CHST11: variants seen among roughly 807,000 people sequenced by gnomAD.
CHST11 encodes the protein C4S-1.
Under a neutral mutation model 30.4 loss-of-function variants are expected in CHST11, and 9 were observed. The observed-to-expected ratio is 0.30, with a 90% CI of 0.18 to 0.52. The LOEUF (loss-of-function observed/expected upper bound fraction) is 0.52. Ranked by LOEUF, CHST11 falls within the 20% of genes least tolerant of loss-of-function variation. The pLI is 0.97. For missense variants in CHST11, 348 were observed against 460.6 expected (o/e 0.76, Z 2.24); for synonymous variants, 152 against 187.8 (o/e 0.81, Z 1.56).
At chr12:104,651,721 T>TCCC (rs2039491681) in intron 2 of CHST11, among the ~76,000 whole-genome samples, 4 of 152,174 alleles carry the variant, frequency 2.6e-5, no homozygotes, top group Non-Finnish European at 4.4e-5. Context: ...AGCACCCTTT[T>TCCC]TCCTTTTCTT....
At chr12:104,568,929 T>C (rs2038596880) in intron 1 of CHST11, among the ~76,000 whole-genome samples, 1 of 152,232 alleles carries the variant, frequency 6.6e-6, no homozygotes, top group African/African-American at 2.4e-5. Context: ...AGACAGTCTA[T>C]GTATGTAGCG....
At chr12:104,715,297 C>G (rs1374465159) in intron 2 of CHST11, among the ~76,000 whole-genome samples, 1 of 152,090 alleles carries the variant, frequency 6.6e-6, no homozygotes, top group Non-Finnish European at 1.5e-5. Context: ...TCGCTTGAGC[C>G]CAGAAGGTGG....
chr12:104,479,094 T>G (rs544767847), intron 1 of CHST11, among the ~76,000 whole-genome samples: 48 of 152,188 alleles, frequency 3.2e-4, no homozygotes, highest in African/African-American at 1.0e-3. Flanking sequence ...TGAGGGACTC[T>G]TAACGTATTG....
chr12:104,513,835 G>T (rs2037993870), intron 1 of CHST11, among the ~76,000 whole-genome samples: 1 of 152,210 alleles, frequency 6.6e-6, no homozygotes, highest in Non-Finnish European at 1.5e-5. Context: ...TCCCTTAAGT[G>T]CAGGAAGAAT....
rs188631452 is a variant in CHST11 at position 104,486,024 on chromosome 12, G to C, written c.118+28495G>C. Among the ~76,000 whole-genome samples, 4 of 152,086 alleles carry C rather than the reference G, an allele frequency of 2.6e-5. No individual in the cohort carries two copies. In the South Asian group the frequency reaches 6.2e-4, roughly 24 times the overall value. On this transcript the variant is annotated intron_variant, in intron 1 of 2. Transcript: ENST00000303694. ...TGGGCATGTGTGTGCATGTGTGCAC[G>C]TGTGTGCCTGTGTGTGCCTGTGTGT...
chr12:104,579,930 G>A (rs2665742), intron 1 of CHST11, among the ~76,000 whole-genome samples: 88,920 of 152,084 alleles, frequency 0.58, 26,755 homozygotes, highest in East Asian at 0.92. Flanking sequence ...GTTAATTACC[G>A]TACTCTCCAC....
intron 1 of CHST11, among the ~76,000 whole-genome samples, chr12:104,549,201 C>T (rs1474928086): frequency 6.6e-6 from 1 of 152,156 alleles, no homozygotes; most frequent in African/African-American, 2.4e-5. Flanking sequence ...GGAGTGGGGA[C>T]AGCTGTGGCA....
intron 2 of CHST11, among the ~76,000 whole-genome samples, chr12:104,607,217 T>C (rs1339692564): frequency 2.6e-5 from 4 of 152,206 alleles, no homozygotes; most frequent in African/African-American, 7.2e-5. Flanking sequence ...TGCCGTGGGA[T>C]AGAGCATCGC....
intron 2 of CHST11, among the ~76,000 whole-genome samples, chr12:104,629,564 A>G (rs1244003975): frequency 6.6e-6 from 1 of 151,952 alleles, no homozygotes; most frequent in African/African-American, 2.4e-5. Context: ...GCTCATGCCT[A>G]TAATCCCAAC....
At chr12:104,550,234 C>T (rs1390567830) in intron 1 of CHST11, among the ~76,000 whole-genome samples, 1 of 152,184 alleles carries the variant, frequency 6.6e-6, no homozygotes, top group Non-Finnish European at 1.5e-5. Context: ...GATAGTGTTT[C>T]CTGGGTCAGC....
intron 2 of CHST11, among the ~76,000 whole-genome samples, chr12:104,716,623 C>A (rs777934399): frequency 6.6e-6 from 1 of 152,204 alleles, no homozygotes; most frequent in African/African-American, 2.4e-5. Context: ...AAGGAAAGTT[C>A]TCAGGAAATA....
At chr12:104,485,851 C>A (rs1476811206) in intron 1 of CHST11, among the ~76,000 whole-genome samples, 2 of 152,238 alleles carry the variant, frequency 1.3e-5, no homozygotes, top group African/African-American at 2.4e-5. Context: ...ATCCACCTGC[C>A]TCCTCCCTTC....
intron 1 of CHST11, among the ~76,000 whole-genome samples, chr12:104,502,816 G>A (rs1260853385): frequency 6.6e-6 from 1 of 152,198 alleles, no homozygotes; most frequent in Non-Finnish European, 1.5e-5. Flanking sequence ...CCAGAACCCA[G>A]GAGAGGAGAA....
At chr12:104,472,925 G>A (rs994671026) in intron 1 of CHST11, among the ~76,000 whole-genome samples, 2 of 152,118 alleles carry the variant, frequency 1.3e-5, no homozygotes, top group Admixed American at 6.5e-5. Flanking sequence ...AGGTGAGGAC[G>A]CCTGCCAGAG....
chr12:104,625,954 T>C (rs2039210243), intron 2 of CHST11, among the ~76,000 whole-genome samples: 1 of 152,216 alleles, frequency 6.6e-6, no homozygotes, highest in African/African-American at 2.4e-5. Flanking sequence ...AGATGAGTCT[T>C]GTAGTGTTGG....
chr12:104,558,488 T>C (rs1660181350), intron 1 of CHST11, among the ~76,000 whole-genome samples: 1 of 151,602 alleles, frequency 6.6e-6, no homozygotes, highest in Non-Finnish European at 1.5e-5. Context: ...TCCCAAAGTG[T>C]ACAGAATTAA....
chr12:104,689,276 G>A (rs144823338), intron 2 of CHST11, among the ~76,000 whole-genome samples: 5 of 152,260 alleles, frequency 3.3e-5, no homozygotes, highest in African/African-American at 4.8e-5. Flanking sequence ...GCCATAAATC[G>A]CCTGCTGCCT....
At chr12:104,588,649 G>A (rs773859223) in intron 1 of CHST11, among the ~76,000 whole-genome samples, 6 of 152,180 alleles carry the variant, frequency 3.9e-5, no homozygotes, top group Admixed American at 6.5e-5. Context: ...AGTCCATCCC[G>A]GTGATGTTTG....
chr12:104,684,957 T>C (rs2039832793), intron 2 of CHST11, among the ~76,000 whole-genome samples: 1 of 152,232 alleles, frequency 6.6e-6, no homozygotes, highest in Non-Finnish European at 1.5e-5. Flanking sequence ...GCTGCAAATA[T>C]ATTATGATTA....
Sources: allele counts gnomAD v4.1 joint callset (sites outside exome capture counted in the v4.1 genomes callset), GRCh38; gene constraint gnomAD v4.1.1; transcripts MANE v1.5; gene names NCBI Gene and HGNC (gene_info 2026-07-23, HGNC 2026-07-21).